PRKG1: variants seen among roughly 807,000 people sequenced by gnomAD.
PRKG1 encodes cGMP-dependent protein kinase 1.
Under a neutral mutation model 88.1 loss-of-function variants are expected in PRKG1, and 35 were observed. The ratio of observed to expected loss-of-function variants is 0.40; its 90% CI spans 0.30 to 0.53. PRKG1 has a LOEUF of 0.53. Ranked by LOEUF, PRKG1 falls within the 20% of genes least tolerant of loss-of-function variation. PRKG1 has a pLI of 0.59. For missense variants in PRKG1, 540 were observed against 839.8 expected, an observed-to-expected ratio of 0.64 and a Z score of 4.41; for synonymous variants, 303 against 292.5, an observed-to-expected ratio of 1.04 and a Z score of -0.37.
At chr10:51,009,271 A>G (rs1842968337) in intron 1 of PRKG1, among the ~76,000 whole-genome samples, 1 of 152,218 alleles carries the variant, frequency 6.6e-6, no homozygotes, top group Admixed American at 6.5e-5. Context: ...TCTTTGGTGT[A>G]TTTATCTAAC....
At chr10:51,576,002 T>C (rs970141588) in intron 3 of PRKG1, among the ~76,000 whole-genome samples, 1 of 151,968 alleles carries the variant, frequency 6.6e-6, no homozygotes, top group Non-Finnish European at 1.5e-5. Context: ...AAACATATTA[T>C]AACAATTAAT....
chr10:51,792,043 T>A (rs1564648488), intron 3 of PRKG1, among the ~76,000 whole-genome samples: 1 of 152,122 alleles, frequency 6.6e-6, no homozygotes, highest in African/African-American at 2.4e-5. Flanking sequence ...AGCTATTGAA[T>A]GTTTGGTGGG....
At chr10:51,758,006 GT>G (rs1479760593) in intron 3 of PRKG1, among the ~76,000 whole-genome samples, 2 of 152,026 alleles carry the variant, frequency 1.3e-5, no homozygotes, top group Non-Finnish European at 2.9e-5. Flanking sequence ...TTATATGTAA[GT>G]TTTGTAGATA....
intron 4 of PRKG1, among the ~76,000 whole-genome samples, chr10:51,881,087 A>T (rs1165228026): frequency 6.6e-6 from 1 of 152,068 alleles, no homozygotes; most frequent in Non-Finnish European, 1.5e-5. Context: ...AGTTCAGGTA[A>T]AGAGGGCAGC....
In PRKG1 at chr10:50,991,310, AGCCGCCGCC is replaced by A. The variant is rs79957958; in HGVS notation, c.-44_-36del. ...GCTCTCCGCTGCCGGCTGCCGTCCCAGCCGCCGCCGCCGCCGCCGCCGCCGCCGCCGCCC... is the reference window on the plus strand; with the variant it reads ...GCTCTCCGCTGCCGGCTGCCGTCCCAGCCGCCGCCGCCGCCGCCGCCGCCC... On this transcript the variant is annotated 5_prime_UTR_variant, in exon 1 of 18. Coordinates refer to the PRKG1 transcript ENST00000401604. This position sits in a 1 kb window ranked among gnomAD's most constrained non-coding sequence, Gnocchi z 4.5. 342,877 of 1,395,442 alleles carry A rather than the reference AGCCGCCGCC, an allele frequency of 0.25. 41,943 individuals carry two copies. The highest frequency in any genetic ancestry group is 0.32 in the South Asian group (22,790 of 71,730). 86.4% of individuals were successfully genotyped at this position (1,395,442 alleles called of 1,614,324 possible).
At chr10:51,017,420 A>G (rs1381824718) in intron 1 of PRKG1, among the ~76,000 whole-genome samples, 1 of 152,242 alleles carries the variant, frequency 6.6e-6, no homozygotes, top group Non-Finnish European at 1.5e-5. Context: ...TTCAAAAATC[A>G]TTTATTGAAT....
intron 3 of PRKG1, among the ~76,000 whole-genome samples, chr10:51,787,217 C>T (rs935845985): frequency 6.6e-6 from 1 of 152,102 alleles, no homozygotes; most frequent in Non-Finnish European, 1.5e-5. Flanking sequence ...AAGTTAAAGC[C>T]TTTTAAGTAA....
chr10:52,258,678 A>G (rs1841363154), intron 10 of PRKG1, among the ~76,000 whole-genome samples: 1 of 152,122 alleles, frequency 6.6e-6, no homozygotes, highest in Admixed American at 6.6e-5. Context: ...TGTGGGATAT[A>G]AAAATATCTG....
intron 5 of PRKG1, 61 bp downstream of exon 5, chr10:51,907,631 T>G: frequency 7.0e-7 from 1 of 1,426,068 alleles, no homozygotes; most frequent in Non-Finnish European, 9.9e-7. Flanking sequence ...GCTGGCTTCT[T>G]TCACAGCTGT....
intron 4 of PRKG1, among the ~76,000 whole-genome samples, chr10:51,846,148 T>C (rs1840392441): frequency 6.6e-6 from 1 of 152,160 alleles, no homozygotes; most frequent in Non-Finnish European, 1.5e-5. Flanking sequence ...CCTGGGATTA[T>C]TGCTAATAAA....
intron 4 of PRKG1, among the ~76,000 whole-genome samples, chr10:51,828,124 A>G (rs1397929461): frequency 2.6e-5 from 4 of 152,198 alleles, no homozygotes; most frequent in Non-Finnish European, 4.4e-5. Flanking sequence ...AGGTTGGAGC[A>G]AAAGTAATTG....
intron 8 of PRKG1, among the ~76,000 whole-genome samples, chr10:52,154,304 AC>A (rs976939365): frequency 1.3e-5 from 2 of 152,174 alleles, no homozygotes; most frequent in Non-Finnish European, 2.9e-5. Flanking sequence ...TATGGATTTG[AC>A]AGTAACAGAA....
chr10:51,151,222 A>G (rs959099164), intron 1 of PRKG1, among the ~76,000 whole-genome samples: 2 of 151,982 alleles, frequency 1.3e-5, no homozygotes, highest in Admixed American at 6.6e-5. Context: ...AAATAAGCCT[A>G]GATTCTTGGA....
rs144554929 is a variant in PRKG1, at chr10:51,511,710, C to T, written c.592+43874C>T. ...ACTGCTGGTGAGCCACTGGAACTCA[C>T]ATCCATTGCTTAGGAGAATGTAAAT... On this transcript the variant is annotated intron_variant, in intron 3 of 17. Transcript: ENST00000373980. 1.9e-3 allele frequency among the ~76,000 whole-genome samples: 285 copies of T among 152,300 alleles called. 4 individuals carry two copies. The highest frequency in any genetic ancestry group is 9.6e-4 in the Non-Finnish European group (65 of 68,028).
At chr10:51,482,026 G>A (rs909235381) in intron 3 of PRKG1, among the ~76,000 whole-genome samples, 1 of 152,058 alleles carries the variant, frequency 6.6e-6, no homozygotes, top group African/African-American at 2.4e-5. Flanking sequence ...TACTTCGAAA[G>A]CATTATTAAA....
chr10:51,117,223 A>G (rs988319486), intron 1 of PRKG1, among the ~76,000 whole-genome samples: 5 of 152,224 alleles, frequency 3.3e-5, no homozygotes, highest in African/African-American at 1.2e-4. Context: ...TCACTCTGGT[A>G]CAAAGCAATC....
intron 3 of PRKG1, among the ~76,000 whole-genome samples, chr10:51,650,375 A>G (rs1002126083): frequency 6.6e-6 from 1 of 152,140 alleles, no homozygotes; most frequent in African/African-American, 2.4e-5. Flanking sequence ...CCTTTCCTAG[A>G]ATCATTATAT....
In PRKG1 at chr10:52,148,438, T is replaced by C. The variant is rs141447715; in HGVS notation, c.1002-13451T>C. Among the ~76,000 whole-genome samples the C allele has an allele frequency of 3.1e-3, 474 of 152,080 alleles. 1 individual carries two copies. Among genetic ancestry groups the C allele is most frequent in the African/African-American group, 0.011 (458 of 41,468 alleles). On this transcript the variant is annotated intron_variant, in intron 8 of 17. Transcript: ENST00000373980. ...TTGTAGAGATGTTGTGAGGTTTCAA[T>C]GAGATCATGAAGGTAAAAAACAAAA... is the stretch of plus-strand genomic sequence containing the variant.
At position 51,165,906 on chromosome 10, in the gene PRKG1, T is replaced by C. The variant is rs1398136374; in HGVS notation, c.478+12576T>C. On this transcript the variant is annotated intron_variant, in intron 2 of 17. Transcript: ENST00000373980. ...TTGGAAAAAAGAAGGGTGTGAACAT[T>C]TGTTTCCTACAGAGTTTAATTAATA... Among the ~76,000 whole-genome samples, 3 of 152,206 alleles carry C rather than the reference T, an allele frequency of 2.0e-5. No homozygotes were observed. In the East Asian group the frequency reaches 5.8e-4, roughly 29 times the overall value.
Sources: allele counts gnomAD v4.1 joint callset (sites outside exome capture counted in the v4.1 genomes callset), GRCh38; gene constraint gnomAD v4.1.1; non-coding constraint Gnocchi (gnomAD v3.1); transcripts MANE v1.5; gene names NCBI Gene and HGNC (gene_info 2026-07-23, HGNC 2026-07-21).